Variants in BIRC6 observed in about 807,000 individuals in gnomAD.
BIRC6 encodes baculoviral IAP repeat containing 6.
A neutral mutation model predicts 503.3 loss-of-function variants in BIRC6; 98 were observed. The ratio of observed to expected loss-of-function variants is 0.19; its 90% CI spans 0.17 to 0.23. The LOEUF (loss-of-function observed/expected upper bound fraction) is 0.23. BIRC6 is among the 10% of genes least tolerant of loss of function. BIRC6 has a pLI of 1.00. For missense variants in BIRC6, 5,360 were observed against 5,806.0 expected (o/e 0.92, Z 2.50); for synonymous variants, 2,240 against 2,078.7 (o/e 1.08, Z -2.11).
intron 5 of BIRC6, among the ~76,000 whole-genome samples, chr2:32,394,667 A>C (rs1573902828): frequency 1.3e-5 from 2 of 152,152 alleles, no homozygotes; most frequent in African/African-American, 2.4e-5. Flanking sequence ...CCATGTCTCT[A>C]CAAAAAAAAT....
intron 61 of BIRC6, among the ~76,000 whole-genome samples, chr2:32,542,050 CTTTA>C (rs2057703062): frequency 6.6e-6 from 1 of 152,040 alleles, no homozygotes; most frequent in South Asian, 2.1e-4. Flanking sequence ...ATTCTGCTAT[CTTTA>C]TTTATCTTTC....
In BIRC6 at chr2:32,515,338, G is replaced by A; in HGVS notation, c.10917G>A (p.Leu3639=). 3 of 1,613,786 alleles carry A rather than the reference G, an allele frequency of 1.9e-6. No homozygotes were observed. The change falls in exon 55 of 74, where the codon CTG becomes CTA. Residue 3639 remains leucine, a synonymous_variant. Coordinates refer to ENST00000421745, the MANE Select transcript of BIRC6 (RefSeq NM_016252.4). ...TGCCTTCTCTTCTTGTGAGGAGTCTGGCTAGTTTCTGCTTTAGCCACATTT... is the reference window on the plus strand; with the variant it reads ...TGCCTTCTCTTCTTGTGAGGAGTCTAGCTAGTTTCTGCTTTAGCCACATTT... The part of the protein sequence containing the change: ...SGLPSLLVRS[L]ASFCFSHISS...
chr2:32,376,877 T>C (rs1202980017), intron 1 of BIRC6, among the ~76,000 whole-genome samples: 1 of 152,228 alleles, frequency 6.6e-6, no homozygotes, highest in Non-Finnish European at 1.5e-5. Flanking sequence ...ACTGTACTTT[T>C]GGACCTTTGA....
At chr2:32,422,104 C>T (rs1013081788) in intron 10 of BIRC6, among the ~76,000 whole-genome samples, 1 of 152,100 alleles carries the variant, frequency 6.6e-6, no homozygotes, top group Admixed American at 6.5e-5. Context: ...TAAAATCACT[C>T]TGGTTTTCTT....
chr2:32,395,333 G>A (rs913856787), intron 5 of BIRC6, among the ~76,000 whole-genome samples, 178 bp from the exon 6 acceptor site: 1 of 152,016 alleles, frequency 6.6e-6, no homozygotes. Flanking sequence ...AATAATGCAG[G>A]CAATTAATAA....
chr2:32,361,455 G>A (rs762146638), intron 1 of BIRC6, among the ~76,000 whole-genome samples: 1 of 151,974 alleles, frequency 6.6e-6, no homozygotes, highest in Admixed American at 6.6e-5. Context: ...TGCTCACACA[G>A]CCTCCCACCC....
intron 57 of BIRC6, among the ~76,000 whole-genome samples, chr2:32,520,898 GTTTAAC>G (rs2055589640): frequency 6.6e-6 from 1 of 152,168 alleles, no homozygotes; most frequent in Admixed American, 6.5e-5. Context: ...TATTTCATAT[GTTTAAC>G]TTGAAGTGCA....
rs751806687 is a variant in BIRC6, at chr2:32,414,759, C to G, written c.1478-10C>G. 1.3e-6 allele frequency: 2 copies of G among 1,599,596 alleles called. No individual in the cohort carries two copies. ...GAAACATATCTAATGAATATTGTTC[C>G]TTTTTAAAGGGCATACATCACAGAA... On this transcript the variant is annotated splice_polypyrimidine_tract_variant and intron_variant, in intron 9 of 73. Transcript: ENST00000421745.
At chr2:32,561,873 C>G (rs1390689445) in intron 65 of BIRC6, among the ~76,000 whole-genome samples, 2 of 151,532 alleles carry the variant, frequency 1.3e-5, no homozygotes, top group African/African-American at 4.8e-5. Context: ...GAAACCCCGT[C>G]TTTACTAAAA....
In BIRC6 at chr2:32,441,324, T is replaced by C; in HGVS notation, c.3811-5T>C. The C allele has an allele frequency of 6.6e-7, 1 of 1,524,542 alleles. No individual in the cohort carries two copies. The highest frequency in any genetic ancestry group is 9.0e-7 in the Non-Finnish European group (1 of 1,116,342). The allele number at this position is 1,524,542 out of a possible 1,614,324, so 94.4% of individuals were successfully genotyped here. On this transcript the variant is annotated splice_polypyrimidine_tract_variant and splice_region_variant and intron_variant, in intron 16 of 73. Coordinates refer to ENST00000421745, the MANE Select transcript of BIRC6 (RefSeq NM_016252.4). ...TTAAAATTCATTATTATTTGTAATGTTTAGGAAAAATCATCTAATGTTAAG... is the reference window on the plus strand; with the variant it reads ...TTAAAATTCATTATTATTTGTAATGCTTAGGAAAAATCATCTAATGTTAAG...
At chr2:32,484,314 G>A (rs2050744099) in intron 39 of BIRC6, among the ~76,000 whole-genome samples, 1 of 152,054 alleles carries the variant, frequency 6.6e-6, no homozygotes, top group Admixed American at 6.6e-5. Context: ...GCACTTGGGA[G>A]GCCGAGGCAG....
chr2:32,399,033 G>A (rs1441395487), intron 6 of BIRC6, among the ~76,000 whole-genome samples: 1 of 151,872 alleles, frequency 6.6e-6, no homozygotes, highest in East Asian at 1.9e-4. Context: ...AAAACAATGA[G>A]TTTAAAAACA....
Position 32,611,712 on chromosome 2 carries a change from G to C in BIRC6, c.14394+130G>C, listed in dbSNP as rs570968949. The C allele has an allele frequency of 4.1e-6, 4 of 975,912 alleles. No homozygotes were observed. In the East Asian group the frequency reaches 9.3e-5, roughly 23 times the overall value. The allele number at this position is 975,912 out of a possible 1,614,324, so 60.5% of individuals were successfully genotyped here. Reference sequence around the variant, plus strand: ...CATAATATGTATTTTCAGTTCAGAGGAATAAATTGTTACTCAGAAGTCTAT... The same window carrying C: ...CATAATATGTATTTTCAGTTCAGAGCAATAAATTGTTACTCAGAAGTCTAT... On this transcript the variant is annotated intron_variant, in intron 73 of 73. Transcript: ENST00000421745.
At chr2:32,536,704 T>C (rs1016046575) in intron 61 of BIRC6, among the ~76,000 whole-genome samples, 8 of 152,230 alleles carry the variant, frequency 5.3e-5, no homozygotes, top group East Asian at 1.9e-4. Context: ...TTTTGGTTAC[T>C]GTAGCCTTGT....
chr2:32,510,375 A>G, intron 52 of BIRC6, 151 bp from the exon 53 acceptor site: 2 of 617,552 alleles, frequency 3.2e-6, no homozygotes, highest in Admixed American at 5.9e-5. Context: ...CACTGCACCC[A>G]GCCTAGTTTC....
At chr2:32,436,569 A>T (rs1302092372) in intron 15 of BIRC6, among the ~76,000 whole-genome samples, 2 of 151,856 alleles carry the variant, frequency 1.3e-5, no homozygotes, top group African/African-American at 4.8e-5. Flanking sequence ...CCCTTAAAAG[A>T]GGTATTTTGT....
intron 25 of BIRC6, 41 bp downstream of exon 25, chr2:32,464,864 A>C: frequency 6.5e-7 from 1 of 1,539,826 alleles, no homozygotes; most frequent in Non-Finnish European, 8.7e-7. Context: ...AGACATTTAA[A>C]AATATCTTGA....
At chr2:32,480,340 TGTA>T (rs1192391696) in intron 37 of BIRC6, among the ~76,000 whole-genome samples, 1 of 152,188 alleles carries the variant, frequency 6.6e-6, no homozygotes, top group Non-Finnish European at 1.5e-5. Flanking sequence ...CATATCATGT[TGTA>T]GTCAGTTTTA....
chr2:32,516,703 A>C (rs527822086), intron 55 of BIRC6, among the ~76,000 whole-genome samples: 1 of 151,998 alleles, frequency 6.6e-6, no homozygotes, highest in East Asian at 1.9e-4. Context: ...ATTTATCATA[A>C]TAAATTAAAT....
Sources: gnomAD v4.1 joint callset for allele counts (sites outside exome capture counted in the v4.1 genomes callset) on GRCh38, gnomAD v4.1.1 for gene constraint, MANE v1.5 for transcripts, NCBI Gene and HGNC (gene_info 2026-07-23, HGNC 2026-07-21) for gene names.